Variants in ATP8B4 observed in about 807,000 individuals in gnomAD.
ATP8B4 encodes ATPase phospholipid transporting 8B4 (putative).
A neutral mutation model predicts 145.6 loss-of-function variants in ATP8B4; 133 were observed. The observed-to-expected ratio is 0.91, with a 90% CI of 0.79 to 1.05. ATP8B4 has a LOEUF of 1.05. ATP8B4 is among the 50% of genes least tolerant of loss of function. The pLI, the probability that ATP8B4 is intolerant of heterozygous loss-of-function variation, is 0.00. For synonymous variants in ATP8B4, 507 were observed against 492.9 expected (o/e 1.03, Z -0.38); for missense variants, 1,458 against 1,425.2 (o/e 1.02, Z -0.37).
At chr15:50,095,420 G>T (rs62021715) in intron 2 of ATP8B4, among the ~76,000 whole-genome samples, 1 of 152,088 alleles carries the variant, frequency 6.6e-6, no homozygotes, top group Non-Finnish European at 1.5e-5. Flanking sequence ...AACTTTACAA[G>T]GATCTGAAAT....
In ATP8B4 at chr15:49,859,389, C is replaced by G. The variant is rs1181424800; in HGVS notation, c.*805G>C. ...GTGCTTTGCTGATTCTATTAATGGT[C>G]TGGATGATGCTCAGCAAATTACTAC... On this transcript the variant is annotated 3_prime_UTR_variant, in exon 28 of 28. Coordinates refer to ENST00000284509, the MANE Select transcript of ATP8B4 (RefSeq NM_024837.4). 4 of 152,122 alleles carry G rather than the reference C, an allele frequency of 2.6e-5. No individual in the cohort carries two copies. Among genetic ancestry groups the G allele is most frequent in the East Asian group, 3.9e-4 (2 of 5,194 alleles). 9.4% of individuals were successfully genotyped at this position (152,122 alleles called of 1,614,324 possible). A position where few individuals can be genotyped will look rare whatever the true frequency, so the allele number is the denominator to read the frequency against.
chr15:50,000,784 C>G (rs921088695), intron 8 of ATP8B4, among the ~76,000 whole-genome samples: 5 of 152,102 alleles, frequency 3.3e-5, no homozygotes, highest in African/African-American at 9.7e-5. Context: ...CCAGACAGCC[C>G]TAGATTTCAA....
intron 14 of ATP8B4, among the ~76,000 whole-genome samples, chr15:49,935,300 C>T (rs1315508574): frequency 3.3e-5 from 5 of 152,000 alleles, no homozygotes. Flanking sequence ...GTAGTGGATA[C>T]TACTATTATC....
intron 2 of ATP8B4, among the ~76,000 whole-genome samples, chr15:50,092,360 T>C (rs2055666139): frequency 6.6e-6 from 1 of 151,928 alleles, no homozygotes; most frequent in Non-Finnish European, 1.5e-5. Context: ...CAATAACAAA[T>C]TAGTGGTTAT....
chr15:50,105,605 A>C (rs1434086150), intron 2 of ATP8B4, among the ~76,000 whole-genome samples: 1 of 152,184 alleles, frequency 6.6e-6, no homozygotes, highest in Non-Finnish European at 1.5e-5. Context: ...ATATACACAA[A>C]TACATTAATA....
chr15:49,902,707 T>C (rs1301166970), intron 20 of ATP8B4, among the ~76,000 whole-genome samples: 1 of 152,172 alleles, frequency 6.6e-6, no homozygotes, highest in Non-Finnish European at 1.5e-5. Context: ...GACTTTCCCA[T>C]CAGATAACTA....
rs562834145 is a variant in ATP8B4, at chr15:49,966,973, A to C, written c.1244-4953T>G. On this transcript the variant is annotated intron_variant, in intron 13 of 27. Coordinates refer to ENST00000284509, the MANE Select transcript of ATP8B4 (RefSeq NM_024837.4). ...CAGCCTCCGCTGGTGATACTCAGGC[A>C]AACAGGGTCTGGAGTGGACCTCCAG... 3.4e-4 allele frequency among the ~76,000 whole-genome samples: 52 copies of C among 152,180 alleles called. No individual in the cohort carries two copies. In the South Asian group the frequency reaches 0.011, roughly 31 times the overall value.
intron 2 of ATP8B4, among the ~76,000 whole-genome samples, chr15:50,077,780 G>A (rs28635632): frequency 2.1e-4 from 32 of 152,240 alleles, no homozygotes; most frequent in African/African-American, 7.5e-4. Context: ...GAAACCAAGG[G>A]TGGGTATTCA....
At chr15:50,088,745 T>G (rs1026730378) in intron 2 of ATP8B4, among the ~76,000 whole-genome samples, 1 of 152,208 alleles carries the variant, frequency 6.6e-6, no homozygotes, top group African/African-American at 2.4e-5. Context: ...TAAACCTGTT[T>G]TGTTCACAGC....
chr15:50,009,719 A>G, intron 7 of ATP8B4: 1 of 454,508 alleles, frequency 2.2e-6, no homozygotes, highest in Non-Finnish European at 4.4e-6. Context: ...TGTGGCTTAA[A>G]TAAAAGTAAA....
intron 6 of ATP8B4, 134 bp from the exon 7 acceptor site, chr15:50,011,051 G>T (rs1488285881): frequency 3.6e-6 from 2 of 562,792 alleles, no homozygotes; most frequent in Non-Finnish European, 5.9e-6. Flanking sequence ...ATTCAAAATG[G>T]TCTTACATTA....
chr15:49,944,886 A>C (rs2042437237), intron 14 of ATP8B4, among the ~76,000 whole-genome samples: 1 of 152,180 alleles, frequency 6.6e-6, no homozygotes, highest in Non-Finnish European at 1.5e-5. Context: ...AATGTGATGA[A>C]ACTAGAAATC....
chr15:50,081,979 G>A (rs1010030838), intron 2 of ATP8B4, among the ~76,000 whole-genome samples: 1 of 152,188 alleles, frequency 6.6e-6, no homozygotes, highest in Admixed American at 6.5e-5. Flanking sequence ...TGATCCAAAA[G>A]CTGAAGAATG....
At chr15:50,073,848 C>T (rs1440007486) in intron 3 of ATP8B4, among the ~76,000 whole-genome samples, 2 of 152,118 alleles carry the variant, frequency 1.3e-5, no homozygotes, top group South Asian at 2.1e-4. Context: ...TTCTACTAAC[C>T]AAATGGGTAC....
At chr15:49,954,047 G>A (rs1044176847) in intron 14 of ATP8B4, among the ~76,000 whole-genome samples, 3 of 151,830 alleles carry the variant, frequency 2.0e-5, no homozygotes, top group Non-Finnish European at 2.9e-5. Context: ...CTTGGTTGCC[G>A]GTGAAGGATT....
chr15:49,906,368 C>A (rs993770903), intron 20 of ATP8B4, among the ~76,000 whole-genome samples: 4 of 152,192 alleles, frequency 2.6e-5, no homozygotes, highest in Non-Finnish European at 4.4e-5. Flanking sequence ...ACAGTCCCAA[C>A]AACAGCATAC....
intron 2 of ATP8B4, among the ~76,000 whole-genome samples, chr15:50,077,140 C>G (rs547479906): frequency 5.3e-4 from 80 of 152,304 alleles, no homozygotes; most frequent in African/African-American, 1.9e-3. Flanking sequence ...AGTGTGAACT[C>G]ACACCTGCAC....
At chr15:49,921,285 T>A (rs893019497) in intron 17 of ATP8B4, among the ~76,000 whole-genome samples, 5 of 152,140 alleles carry the variant, frequency 3.3e-5, no homozygotes, top group Non-Finnish European at 5.9e-5. Flanking sequence ...GTCAGCTTAG[T>A]GCAAAAAAGG....
At chr15:50,169,226 C>T (rs541872530) in intron 1 of ATP8B4, among the ~76,000 whole-genome samples, 1 of 152,360 alleles carries the variant, frequency 6.6e-6, no homozygotes, top group South Asian at 2.1e-4. Flanking sequence ...CGCCAACCAG[C>T]ACAAAAATAG....
Sources: allele counts gnomAD v4.1 joint callset (sites outside exome capture counted in the v4.1 genomes callset), GRCh38; gene constraint gnomAD v4.1.1; transcripts MANE v1.5; gene names NCBI Gene and HGNC (gene_info 2026-07-23, HGNC 2026-07-21).